The following STARD9 variants were observed in gnomAD, a reference collection of about 807,000 sequenced individuals.
STARD9 encodes the protein stAR-related lipid transfer protein 9.
STARD9 carries 346 observed loss-of-function variants against 399.8 expected under a neutral mutation model. That is an observed-to-expected ratio of 0.87 (90% CI 0.79 to 0.95). STARD9 has a LOEUF of 0.95. Among genes scored for constraint, STARD9 ranks in the 40% least tolerant of loss-of-function variants. STARD9 has a pLI of 0.00. For synonymous variants in STARD9, 2,203 were observed against 2,143.5 expected (o/e 1.03, Z -0.77); for missense variants, 5,832 against 5,667.5 (o/e 1.03, Z -0.93).
chr15:42,646,384 T>C (rs1382096473), intron 7 of STARD9, among the ~76,000 whole-genome samples: 2 of 152,246 alleles, frequency 1.3e-5, no homozygotes. Context: ...ACCTTCATTA[T>C]CTTAGCTTTA....
At chr15:42,698,630 G>C (rs1257541372) in intron 26 of STARD9, among the ~76,000 whole-genome samples, 1 of 152,012 alleles carries the variant, frequency 6.6e-6, no homozygotes, top group Non-Finnish European at 1.5e-5. Context: ...TTTGTTTGAG[G>C]CCATGCAAGC....
chr15:42,603,884 A>C (rs975825752), intron 3 of STARD9, among the ~76,000 whole-genome samples: 3 of 152,090 alleles, frequency 2.0e-5, no homozygotes, highest in Non-Finnish European at 2.9e-5. Flanking sequence ...CCAAAGGAAA[A>C]ATACTTCAGT....
chr15:42,698,153 C>T (rs546341416), intron 26 of STARD9, among the ~76,000 whole-genome samples: 8 of 152,186 alleles, frequency 5.3e-5, no homozygotes, highest in Non-Finnish European at 1.2e-4. Flanking sequence ...AGTATTCTAA[C>T]TTGGGTTGCT....
At chr15:42,621,011 C>T (rs565024865) in intron 3 of STARD9, among the ~76,000 whole-genome samples, 3 of 152,258 alleles carry the variant, frequency 2.0e-5, no homozygotes, top group Non-Finnish European at 4.4e-5. Context: ...GCCTCAGCCT[C>T]CCAAAGTGCT....
At chr15:42,579,427 CAT>C (rs1183997774) in intron 1 of STARD9, among the ~76,000 whole-genome samples, 2 of 152,158 alleles carry the variant, frequency 1.3e-5, no homozygotes, top group African/African-American at 4.8e-5. Flanking sequence ...GTACTGAAAA[CAT>C]ATCTAAAAAT....
chr15:42,650,315 G>C (rs768265660), intron 7 of STARD9, among the ~76,000 whole-genome samples: 3 of 152,132 alleles, frequency 2.0e-5, no homozygotes, highest in Admixed American at 1.3e-4. Flanking sequence ...AAGTTACTTT[G>C]TTTTTGAATC....
chr15:42,688,973 AGCCGAGGTG>A lies in STARD9; in HGVS notation c.7398_7406del (p.Glu2467_Ala2469del), dbSNP rs1346889605. ...GTACCAGTGAAGATTTTGCTTCTGA[AGCCGAGGTG>A]GCTGTACAAAAAGAAATAAGAGTCA... On this transcript the variant is annotated inframe_deletion, in exon 23 of 33. Coordinates refer to ENST00000290607, the MANE Select transcript of STARD9 (RefSeq NM_020759.3). 1 of 1,537,328 alleles carries A rather than the reference AGCCGAGGTG, an allele frequency of 6.5e-7. No individual in the cohort carries two copies. Among genetic ancestry groups the A allele is most frequent in the African/African-American group, 1.4e-5 (1 of 73,056 alleles).
At chr15:42,644,277 A>G (rs559982616) in intron 7 of STARD9, among the ~76,000 whole-genome samples, 4 of 152,262 alleles carry the variant, frequency 2.6e-5, no homozygotes, top group Admixed American at 2.0e-4. Flanking sequence ...GCAGATCACA[A>G]GGTCAGGAGA....
intron 3 of STARD9, among the ~76,000 whole-genome samples, chr15:42,625,779 G>A (rs1470590646): frequency 1.3e-5 from 2 of 151,446 alleles, no homozygotes; most frequent in Admixed American, 6.6e-5. Context: ...AAGGTATTAA[G>A]GGCTGAGTAC....
At chr15:42,598,070 C>T (rs1302503763) in intron 3 of STARD9, among the ~76,000 whole-genome samples, 3 of 149,300 alleles carry the variant, frequency 2.0e-5, no homozygotes, top group Admixed American at 6.7e-5. Context: ...CTTGCTCTGT[C>T]GCTGAGGCTG....
intron 3 of STARD9, among the ~76,000 whole-genome samples, chr15:42,607,667 C>CAT (rs747216277): frequency 3.3e-5 from 5 of 150,776 alleles, no homozygotes; most frequent in Non-Finnish European, 7.4e-5. Flanking sequence ...CACACACACA[C>CAT]ACACACACAC....
intron 16 of STARD9, chr15:42,672,092 T>A (rs2060213704): frequency 2.6e-5 from 4 of 152,254 alleles, no homozygotes; most frequent in Admixed American, 2.6e-4. Context: ...TTTTGTTTGT[T>A]TAGCTATTGA....
intron 26 of STARD9, among the ~76,000 whole-genome samples, chr15:42,707,144 A>T (rs1369987415): frequency 7.4e-6 from 1 of 134,918 alleles, no homozygotes; most frequent in African/African-American, 3.6e-5. Flanking sequence ...ATGAATAGTT[A>T]AAAAAGTAAT....
rs1424238110 is a variant in STARD9 at position 42,575,611 on chromosome 15, C to T, written c.-105C>T. 26 of 1,288,142 alleles carry T rather than the reference C, an allele frequency of 2.0e-5. No homozygotes were observed. Among genetic ancestry groups the T allele is most frequent in the Non-Finnish European group, 2.5e-5 (24 of 942,330 alleles). The allele number at this position is 1,288,142 out of a possible 1,614,324, so 79.8% of individuals were successfully genotyped here. ...GTCCGCGCGGCGGCGTCCCCAGAGG[C>T]GCGTGGGGCGGGCGGGGCTGGGTTG... On this transcript the variant is annotated 5_prime_UTR_variant, in exon 1 of 33. Transcript: ENST00000290607.
At chr15:42,642,650 G>A (rs1191529429) in intron 7 of STARD9, among the ~76,000 whole-genome samples, 2 of 152,082 alleles carry the variant, frequency 1.3e-5, no homozygotes, top group African/African-American at 4.8e-5. Context: ...AGGACCTCTA[G>A]TACAATAGTA....
rs1261112782 is a variant in STARD9 at position 42,717,783 on chromosome 15, C to T, written c.13547C>T (p.Thr4516Ile). 1.3e-6 allele frequency: 2 copies of T among 1,537,106 alleles called. No individual in the cohort carries two copies. Among genetic ancestry groups the T allele is most frequent in the Admixed American group, 2.0e-5 (1 of 50,972 alleles). ...NLHNLFSCQA[T>I]AGWNYQGEEQ... The stretch of plus-strand genomic sequence containing the variant: ...CACAACCTCTTCAGCTGCCAGGCAA[C>T]TGCTGGCTGGAAGTAAGTTTGTTTA... The change falls in exon 29 of 33, where the codon ACT (threonine) becomes ATT (isoleucine). Residue 4516 changes from threonine to isoleucine, a missense_variant. Thr to Ile is a moderately conservative substitution (Grantham distance 89). This residue lies in a region of STARD9 where 5,828 missense variants were observed against 5,651.1 expected (regional missense o/e 1.03). Coordinates refer to ENST00000290607, the MANE Select transcript of STARD9 (RefSeq NM_020759.3).
At chr15:42,665,123 C>T (rs2060069003) in intron 13 of STARD9, 130 bp from the exon 14 acceptor site, 1 of 689,954 alleles carries the variant, frequency 1.4e-6, no homozygotes, top group Non-Finnish European at 2.4e-6. Flanking sequence ...GGGACCACAA[C>T]TTGAGAATGA....
chr15:42,611,720 TA>T (rs1183652346), intron 3 of STARD9, among the ~76,000 whole-genome samples: 2 of 152,200 alleles, frequency 1.3e-5, no homozygotes, highest in Non-Finnish European at 2.9e-5. Flanking sequence ...CTTGCCATTG[TA>T]TTAGGGCTTT....
rs76108347 is a variant in STARD9 at position 42,662,920 on chromosome 15, A to C, written c.868+29A>C. The stretch of plus-strand genomic sequence containing the variant: ...TTTTCTGATAGATAATGGGAGTGGG[A>C]GGGAGAGTTCGGAAAATAACTCATG... On this transcript the variant is annotated intron_variant, in intron 11 of 32. Transcript: ENST00000290607. 3,549 of 1,439,618 alleles carry C rather than the reference A, an allele frequency of 2.5e-3. 118 individuals carry two copies. The East Asian group carries it at 0.07, about 29-fold the overall frequency. 89.2% of individuals were successfully genotyped at this position (1,439,618 alleles called of 1,614,324 possible).
Sources: allele counts gnomAD v4.1 joint callset (sites outside exome capture counted in the v4.1 genomes callset), GRCh38; gene constraint gnomAD v4.1.1; regional missense constraint gnomAD v4.1.1; transcripts MANE v1.5; gene names NCBI Gene and HGNC (gene_info 2026-07-23, HGNC 2026-07-21).